Variants in INCENP observed in about 807,000 individuals in gnomAD.
INCENP encodes inner centromere protein, also known as binds and activates aurora-B and -C in vivo and in vitro.
Under a neutral mutation model 107.3 loss-of-function variants are expected in INCENP, and 43 were observed. The observed-to-expected ratio is 0.40, with a 90% CI of 0.31 to 0.52. The LOEUF (loss-of-function observed/expected upper bound fraction) is 0.52, where lower values mean the gene tolerates loss of function less well. Among genes scored for constraint, INCENP ranks in the 20% least tolerant of loss-of-function variants. The pLI, the probability that INCENP is intolerant of heterozygous loss-of-function variation, is 0.53. For synonymous variants in INCENP, 488 were observed against 494.4 expected (o/e 0.99, Z 0.17); for missense variants, 1,089 against 1,250.9 (o/e 0.87, Z 1.95).
At position 62,148,530 on chromosome 11, in the gene INCENP, G is replaced by A. The variant is rs376035761; in HGVS notation, c.2259G>A (p.Arg753=). 3.0e-5 allele frequency: 49 copies of A among 1,607,950 alleles called. No individual in the cohort carries two copies. The African/African-American group carries it at 6.4e-4, about 21-fold the overall frequency. The change falls in exon 16 of 19, where the codon AGG becomes AGA. Residue 753 remains arginine, a synonymous_variant. Transcript: ENST00000394818. The stretch of plus-strand genomic sequence containing the variant: ...GGCTGCAGAAGGAGCAGCTGCAGAG[G>A]GAACTGGAGGAGAAGAAGAAGAAGG... ...ALRLQKEQLQ[R]ELEEKKKKEE...
intron 15 of INCENP, 44 bp from the exon 16 acceptor site, chr11:62,148,432 G>T: frequency 6.5e-7 from 1 of 1,550,044 alleles, no homozygotes; most frequent in South Asian, 1.2e-5. Context: ...GGCTTGGGCT[G>T]GGCCTCCACT....
chr11:62,138,176 A>T (rs1242655725), intron 5 of INCENP, among the ~76,000 whole-genome samples: 1 of 152,118 alleles, frequency 6.6e-6, no homozygotes, highest in Non-Finnish European at 1.5e-5. Context: ...GCTACATTCA[A>T]ACTGGCTGGG....
intron 4 of INCENP, among the ~76,000 whole-genome samples, chr11:62,133,229 T>G (rs903829932): frequency 1.3e-4 from 20 of 152,254 alleles, no homozygotes; most frequent in Middle Eastern, 3.4e-3. Flanking sequence ...TGTTAATTTT[T>G]GGGAAATTAA....
At chr11:62,142,802 CTGTTAGTTT>C (rs1944152302) in intron 11 of INCENP, among the ~76,000 whole-genome samples, 1 of 152,166 alleles carries the variant, frequency 6.6e-6, no homozygotes, top group Admixed American at 6.5e-5. Flanking sequence ...GGCAGGTGGT[CTGTTAGTTT>C]AGTTCTCAGC....
chr11:62,128,981 C>T, intron 3 of INCENP, 98 bp downstream of exon 3: 2 of 829,066 alleles, frequency 2.4e-6, no homozygotes, highest in South Asian at 3.0e-5. Flanking sequence ...TTGGAAGTAG[C>T]AGCCTGTAGG....
rs898379 is a variant in INCENP, at chr11:62,148,435, C to G, written c.2205-41C>G. ...GGATGGGAACAGGGCTTGGGCTGGGCCTCCACTTCCTGTCCTAACAGGCTC... is the reference window on the plus strand; with the variant it reads ...GGATGGGAACAGGGCTTGGGCTGGGGCTCCACTTCCTGTCCTAACAGGCTC... On this transcript the variant is annotated intron_variant, in intron 15 of 18. Coordinates refer to ENST00000394818, the MANE Select transcript of INCENP (RefSeq NM_001040694.2). The G allele has an allele frequency of 4.1e-3, 6,371 of 1,558,612 alleles. 233 individuals carry two copies. The African/African-American group carries it at 0.076, about 19-fold the overall frequency.
In INCENP at chr11:62,148,843, G is replaced by T; in HGVS notation, c.2388G>T (p.Val796=). Residue 796 remains valine (V), a synonymous_variant, in exon 17 of 19, where the codon GTG becomes GTT. Transcript: ENST00000394818. ...ASKALNVTVD[V]QSPACTSYQM... ...AGGCCCTGAATGTGACTGTGGACGTGCAGGTGCCACCTGGGCCCCAGTGGA... is the reference window on the plus strand; with the variant it reads ...AGGCCCTGAATGTGACTGTGGACGTTCAGGTGCCACCTGGGCCCCAGTGGA... The T allele has an allele frequency of 6.2e-7, 1 of 1,601,076 alleles. No homozygotes were observed. Among genetic ancestry groups the T allele is most frequent in the Non-Finnish European group, 8.5e-7 (1 of 1,173,312 alleles).
intron 2 of INCENP, 105 bp downstream of exon 2, chr11:62,128,406 A>T (rs1019787296): frequency 1.2e-4 from 153 of 1,296,044 alleles, no homozygotes; most frequent in Admixed American, 3.9e-4. Flanking sequence ...GGCAAAACAG[A>T]CAGCCTGTCA....
rs1318298934 is a variant in INCENP at position 62,146,870 on chromosome 11, T to G, written c.2172T>G (p.Arg724=). The G allele has an allele frequency of 5.0e-6, 8 of 1,590,550 alleles. No homozygotes were observed. Residue 724 remains arginine (R), a synonymous_variant, in exon 15 of 19, where the codon CGT becomes CGG. Coordinates refer to ENST00000394818, the MANE Select transcript of INCENP (RefSeq NM_001040694.2). ...EQERQLAEQE[R]RREQERLQAE... is the part of the protein sequence containing the mutation. ...AGCGACAGCTGGCAGAGCAGGAGCG[T>G]CGGCGGGAGCAGGAGCGGCTCCAGG...
At chr11:62,135,236 C>G (rs576391943) in intron 4 of INCENP, among the ~76,000 whole-genome samples, 2 of 151,966 alleles carry the variant, frequency 1.3e-5, no homozygotes, top group Admixed American at 1.3e-4. Flanking sequence ...TGATTCCACA[C>G]GGGTCTACCT....
chr11:62,128,410 C>G lies in INCENP; in HGVS notation c.140+109C>G, dbSNP rs1943804907. ...CCCGCCTACCTGGCAAAACAGACAG[C>G]CTGTCAGGGCTCCCTGCTGTATACT... On this transcript the variant is annotated intron_variant, in intron 2 of 18. Coordinates refer to ENST00000394818, the MANE Select transcript of INCENP (RefSeq NM_001040694.2). The G allele has an allele frequency of 3.4e-6, 4 of 1,190,268 alleles. No homozygotes were observed. The African/African-American group carries it at 6.0e-5, about 18-fold the overall frequency. The allele number at this position is 1,190,268 out of a possible 1,614,324, so 73.7% of individuals were successfully genotyped here.
intron 11 of INCENP, among the ~76,000 whole-genome samples, chr11:62,143,592 T>C (rs1474894229): frequency 1.3e-5 from 2 of 152,030 alleles, no homozygotes; most frequent in African/African-American, 4.8e-5. Context: ...GAGAGAGAGG[T>C]GGAGTATGTC....
intron 17 of INCENP, 83 bp downstream of exon 17, chr11:62,148,929 T>C (rs1944315452): frequency 1.3e-6 from 1 of 791,132 alleles, no homozygotes; most frequent in Admixed American, 3.2e-5. Flanking sequence ...GCACAGGCTG[T>C]GTTAGGCCCC....
chr11:62,130,642 T>C, intron 4 of INCENP, 52 bp downstream of exon 4: 1 of 1,503,618 alleles, frequency 6.7e-7, no homozygotes, highest in Non-Finnish European at 9.1e-7. Flanking sequence ...CAGGCTCAGA[T>C]GGAGGCTTTC....
Position 62,127,038 on chromosome 11 carries a change from G to GT in INCENP, c.-11-1109dup, listed in dbSNP as rs1443465807. ...TTTTGTAATGGCTATCAAGTTTTTTGTTTTGTTTTTTTTTTTTTGAGACAG... is the reference window on the plus strand; with the variant it reads ...TTTTGTAATGGCTATCAAGTTTTTTGTTTTTGTTTTTTTTTTTTTGAGACAG... On this transcript the variant is annotated intron_variant, in intron 1 of 18. Coordinates refer to ENST00000394818, the MANE Select transcript of INCENP (RefSeq NM_001040694.2). Among the ~76,000 whole-genome samples, 234 of 103,360 alleles carry GT rather than the reference G, an allele frequency of 2.3e-3. 7 individuals are homozygous for GT. Among genetic ancestry groups the GT allele is most frequent in the Non-Finnish European group, 2.7e-3 (125 of 45,666 alleles). 67.8% of individuals were successfully genotyped at this position (103,360 alleles called of 152,430 possible). A position where few individuals can be genotyped will look rare whatever the true frequency, so the allele number is the denominator to read the frequency against.
At chr11:62,130,631 C>A in intron 4 of INCENP, 41 bp downstream of exon 4, 1 of 1,555,272 alleles carries the variant, frequency 6.4e-7, no homozygotes, top group Non-Finnish European at 8.8e-7. Flanking sequence ...GTCCTTGGTG[C>A]CAGGCTCAGA....
At chr11:62,128,094 G>T in intron 1 of INCENP, 57 bp from the exon 2 acceptor site, 7 of 1,585,858 alleles carry the variant, frequency 4.4e-6, no homozygotes, top group Non-Finnish European at 6.0e-6. Context: ...CTTGGAGAAA[G>T]CCCCAGACCC....
At chr11:62,149,383 G>T (rs1380568) in intron 17 of INCENP, among the ~76,000 whole-genome samples, 3,311 of 152,186 alleles carry the variant, frequency 0.022, 125 homozygotes, top group African/African-American at 0.075. Flanking sequence ...ATGAGCATTT[G>T]ATCTATTTTC....
At chr11:62,151,617 G>C in intron 18 of INCENP, 145 bp from the exon 19 acceptor site, 1 of 649,060 alleles carries the variant, frequency 1.5e-6, no homozygotes, top group Non-Finnish European at 2.7e-6. Context: ...GGGTTTGATG[G>C]TGGTACAGGC....
Sources: allele counts gnomAD v4.1 joint callset (sites outside exome capture counted in the v4.1 genomes callset), GRCh38; gene constraint gnomAD v4.1.1; transcripts MANE v1.5; gene names NCBI Gene and HGNC (gene_info 2026-07-23, HGNC 2026-07-21).